Variants in ARHGAP6 observed in about 807,000 individuals in gnomAD.
The protein encoded by ARHGAP6 is Rho GTPase activating protein 6.
A neutral mutation model predicts 55.7 loss-of-function variants in ARHGAP6; 16 were observed. The observed-to-expected ratio is 0.29, with a 90% CI of 0.19 to 0.44. ARHGAP6 has a LOEUF of 0.44. ARHGAP6 is among the 20% of genes least tolerant of loss of function. The probability of loss-of-function intolerance (pLI) is 1.00; values close to 1 mark genes in which losing one functional copy is unlikely to be tolerated. For missense variants in ARHGAP6, 698 were observed against 808.9 expected (o/e 0.86, Z 1.66); for synonymous variants, 382 against 360.9 (o/e 1.06, Z -0.66).
chrX:11,339,722 G>C (rs2048680133), intron 1 of ARHGAP6, among the ~76,000 whole-genome samples: 1 of 111,673 alleles, frequency 9.0e-6, no homozygotes, highest in Admixed American at 9.5e-5. Context: ...GCTCTCCTCT[G>C]AATTCTACAT....
At chrX:11,505,791 T>C (rs369180377) in intron 1 of ARHGAP6, among the ~76,000 whole-genome samples, 1 of 111,285 alleles carries the variant, frequency 9.0e-6, no homozygotes, top group Non-Finnish European at 1.9e-5. Context: ...AGCAAACTAA[T>C]GCAGTAACAG....
At chrX:11,351,889 G>A (rs140683422) in intron 1 of ARHGAP6, among the ~76,000 whole-genome samples, 3 of 112,351 alleles carry the variant, frequency 2.7e-5, no homozygotes, top group Admixed American at 9.4e-5. Context: ...CAAGTTGTGA[G>A]AGCCTTAGGC....
intron 1 of ARHGAP6, among the ~76,000 whole-genome samples, chrX:11,374,410 G>C (rs2049177135): frequency 8.9e-6 from 1 of 111,957 alleles, no homozygotes; most frequent in African/African-American, 3.2e-5. Flanking sequence ...ACTATTCACT[G>C]GGACAGGGCA....
At chrX:11,493,694 C>T (rs913529545) in intron 1 of ARHGAP6, among the ~76,000 whole-genome samples, 1 of 111,169 alleles carries the variant, frequency 9.0e-6, no homozygotes, top group African/African-American at 3.3e-5. Flanking sequence ...AAAAGAGTTG[C>T]TCAACAGAGA....
intron 5 of ARHGAP6, among the ~76,000 whole-genome samples, chrX:11,185,756 A>G (rs1293825615): frequency 8.9e-6 from 1 of 112,350 alleles, no homozygotes; most frequent in African/African-American, 3.2e-5. Context: ...AAAAATGCAA[A>G]TAGCAATATG....
chrX:11,279,661 A>AT (rs201710179), intron 1 of ARHGAP6, among the ~76,000 whole-genome samples: 26 of 107,089 alleles, frequency 2.4e-4, no homozygotes, highest in South Asian at 8.2e-4. Context: ...CCACCCCTCC[A>AT]TTTTTTTTTA....
intron 6 of ARHGAP6, 86 bp downstream of exon 6, chrX:11,181,977 T>C (rs2046320024): frequency 1.3e-6 from 1 of 743,902 alleles, no homozygotes; most frequent in South Asian, 2.3e-5. Context: ...ATAATCAAAA[T>C]GGAATTTGCA....
intron 1 of ARHGAP6, among the ~76,000 whole-genome samples, chrX:11,388,403 T>A (rs867831043): frequency 9.8e-5 from 11 of 112,174 alleles, no homozygotes; most frequent in Non-Finnish European, 1.9e-4. Context: ...ATGGGGTTGT[T>A]TGTTTTTTTC....
intron 1 of ARHGAP6, among the ~76,000 whole-genome samples, chrX:11,308,615 T>C (rs941074142): frequency 9.0e-6 from 1 of 111,560 alleles, no homozygotes; most frequent in African/African-American, 3.3e-5. Flanking sequence ...TAGTACCCAA[T>C]GATTGAGACC....
intron 1 of ARHGAP6, among the ~76,000 whole-genome samples, chrX:11,405,447 G>T (rs946851393): frequency 1.8e-5 from 2 of 111,996 alleles, no homozygotes; most frequent in Non-Finnish European, 3.8e-5. Flanking sequence ...CTTTTAAGGA[G>T]AATTTCTTTT....
chrX:11,482,998 T>C (rs2050472986), intron 1 of ARHGAP6, among the ~76,000 whole-genome samples: 1 of 111,387 alleles, frequency 9.0e-6, no homozygotes, highest in African/African-American at 3.3e-5. Context: ...TCCTCTACCA[T>C]TTTTTCCCAA....
At chrX:11,604,025 G>A (rs1208358544) in intron 1 of ARHGAP6, among the ~76,000 whole-genome samples, 1 of 111,578 alleles carries the variant, frequency 9.0e-6, no homozygotes, top group South Asian at 3.8e-4. Flanking sequence ...TGAAGCCCAG[G>A]ATGAAAGAGT....
At chrX:11,213,339 T>C (rs1198454991) in intron 2 of ARHGAP6, among the ~76,000 whole-genome samples, 2 of 112,071 alleles carry the variant, frequency 1.8e-5, no homozygotes, top group South Asian at 3.7e-4. Context: ...CTCCCTGCTA[T>C]AGACTAAATG....
chrX:11,173,191 G>A (rs1312580884), intron 8 of ARHGAP6, among the ~76,000 whole-genome samples: 1 of 111,830 alleles, frequency 8.9e-6, no homozygotes, highest in Non-Finnish European at 1.9e-5. Flanking sequence ...CTCTTGCTGG[G>A]CAGACCCAGC....
At chrX:11,613,593 C>T (rs759287579) in intron 1 of ARHGAP6, among the ~76,000 whole-genome samples, 1 of 112,140 alleles carries the variant, frequency 8.9e-6, no homozygotes, top group South Asian at 3.7e-4. Context: ...AGCTTTTTAA[C>T]AGTAAATGAT....
At chrX:11,463,453 C>T (rs1279518266) in intron 1 of ARHGAP6, among the ~76,000 whole-genome samples, 2 of 111,466 alleles carry the variant, frequency 1.8e-5, no homozygotes, top group African/African-American at 3.3e-5. Context: ...ATCCTCCTGC[C>T]TCAGCCTTCC....
intron 1 of ARHGAP6, among the ~76,000 whole-genome samples, chrX:11,471,125 C>A (rs944218252): frequency 1.2e-4 from 13 of 111,644 alleles, no homozygotes; most frequent in African/African-American, 3.9e-4. Context: ...AAACTGGGTA[C>A]AGGGTATACA....
At position 11,361,660 on chromosome X, in the gene ARHGAP6, T is replaced by C. The variant is rs756307698; in HGVS notation, c.589-106953A>G. On this transcript the variant is annotated intron_variant, in intron 1 of 12. Transcript: ENST00000337414. ...AAAGCCAAAATTGACAAATGGGATC[T>C]AATTAAACTAAAGAGCTTCTGCACA... 5.5e-3 allele frequency among the ~76,000 whole-genome samples: 611 copies of C among 110,544 alleles called. 4 individuals carry two copies. Among genetic ancestry groups the C allele is most frequent in the African/African-American group, 0.019 (582 of 30,380 alleles).
At chrX:11,566,609 T>C (rs1204192062) in intron 1 of ARHGAP6, among the ~76,000 whole-genome samples, 2 of 112,438 alleles carry the variant, frequency 1.8e-5, no homozygotes, top group African/African-American at 6.5e-5. Context: ...TATAATCCTA[T>C]TGTTTAGGGG....
Sources: gnomAD v4.1 joint callset for allele counts (sites outside exome capture counted in the v4.1 genomes callset) on GRCh38, gnomAD v4.1.1 for gene constraint, MANE v1.5 for transcripts, NCBI Gene and HGNC (gene_info 2026-07-23, HGNC 2026-07-21) for gene names.